The following RBM4 variants were observed in gnomAD, a reference collection of about 807,000 sequenced individuals.
RBM4 encodes the protein RNA-binding protein 4.
A neutral mutation model predicts 29.5 loss-of-function variants in RBM4; 7 were observed. The observed-to-expected ratio is 0.24, with a 90% CI of 0.14 to 0.45. The LOEUF is 0.45. RBM4 is among the 20% of genes least tolerant of loss of function. The probability of loss-of-function intolerance (pLI) is 1.00; values close to 1 mark genes in which losing one functional copy is unlikely to be tolerated. For synonymous variants in RBM4, 220 were observed against 205.4 expected, an observed-to-expected ratio of 1.07 and a Z score of -0.61; for missense variants, 387 against 502.3, an observed-to-expected ratio of 0.77 and a Z score of 2.19.
chr11:66,648,806 TTC>T (rs1938763967), downstream of RBM4, among the ~76,000 whole-genome samples: 1 of 151,672 alleles, frequency 6.6e-6, no homozygotes, highest in South Asian at 2.1e-4. Context: ...AGGGCAAGAC[TTC>T]TCTCAAAAAA....
intron 2 of RBM4, among the ~76,000 whole-genome samples, chr11:66,656,280 G>T (rs575810315): frequency 6.6e-6 from 1 of 152,214 alleles, no homozygotes; most frequent in Non-Finnish European, 1.5e-5. Flanking sequence ...GGGACTACAG[G>T]CACCTGCCAC....
At chr11:66,649,674 C>T, downstream of RBM4, 1 of 690,480 alleles carries the variant, frequency 1.4e-6, no homozygotes, top group South Asian at 1.5e-5. Context: ...GTGTAATTGA[C>T]AAGGTTATGC....
At chr11:66,644,513 TA>T in intron 3 of RBM4, 1 of 267,980 alleles carries the variant, frequency 3.7e-6, no homozygotes, top group Non-Finnish European at 6.1e-6. Flanking sequence ...TTAAGTTTCC[TA>T]CGTGTGCGAC....
intron 2 of RBM4, among the ~76,000 whole-genome samples, chr11:66,659,263 C>CTTTTTTTTTTTTTT (rs767959263): frequency 5.9e-5 from 4 of 67,308 alleles, no homozygotes; most frequent in Non-Finnish European, 1.1e-4. Flanking sequence ...CTTCTTGGTT[C>CTTTTTTTTTTTTTT]TTTTTTTTTT....
exon 3 of RBM4, chr11:66,667,566 G>A (rs1461561722): frequency 6.6e-6 from 1 of 152,128 alleles, no homozygotes; most frequent in African/African-American, 2.4e-5. Flanking sequence ...CCATGGGACA[G>A]AACATCAAAA....
intron 2 of RBM4, chr11:66,652,388 T>G (rs984713939): frequency 2.0e-5 from 3 of 152,180 alleles, no homozygotes; most frequent in Non-Finnish European, 4.4e-5. Flanking sequence ...CCACCACACC[T>G]GGCTGAAATG....
chr11:66,644,016 T>G lies in RBM4; in HGVS notation c.979T>G (p.Tyr327Asp), dbSNP rs1039631954. ...PVPTVGEGYG[Y>D]GHESELSQAS... ...CCCCACTGTTGGAGAGGGCTACGGT[T>G]ACGGGCATGAGAGTGAGTTGTCCCA... Residue 327 changes from tyrosine (Y) to aspartate (D), a missense_variant, in exon 3 of 4, where the codon TAC (tyrosine) becomes GAC (aspartate). Tyr to Asp is a radical substitution (Grantham distance 160, BLOSUM62 -3). Transcript: ENST00000310092. 1.9e-6 allele frequency: 3 copies of G among 1,613,784 alleles called. No homozygotes were observed. The highest frequency in any genetic ancestry group is 1.7e-5 in the Admixed American group (1 of 60,032).
At position 66,643,782 on chromosome 11, in the gene RBM4, C is replaced by G. The variant is rs749308687; in HGVS notation, c.745C>G (p.Leu249Val). ...ASVYNYAEQT[L>V]SQLPQVQNTA... is the part of the protein sequence containing the mutation. The stretch of plus-strand genomic sequence containing the variant: ...CGTGTATAATTACGCAGAGCAGACC[C>G]TGTCCCAGCTGCCACAAGTCCAGAA... The change falls in exon 3 of 4, where the codon CTG (leucine) becomes GTG (valine). Residue 249 changes from leucine (L) to valine (V), a missense_variant. Around this residue, in one of 2 missense-constraint regions of RBM4, gnomAD observed 281 missense variants for 288.7 expected, o/e 0.97. Coordinates refer to ENST00000310092, the MANE Select transcript of RBM4 (RefSeq NM_002896.4). This position sits in a 1 kb window ranked among gnomAD's most constrained non-coding sequence, Gnocchi z 6.1. 1 of 1,614,052 alleles carries G rather than the reference C, an allele frequency of 6.2e-7. No individual in the cohort carries two copies. Among genetic ancestry groups the G allele is most frequent in the Admixed American group, 1.7e-5 (1 of 60,014 alleles).
At chr11:66,666,169 C>T in exon 3 of RBM4, 1 of 790,394 alleles carries the variant, frequency 1.3e-6, no homozygotes, top group Non-Finnish European at 1.8e-6. Context: ...ACCAAATCTC[C>T]CTTGCCAAAT....
intron 3 of RBM4, among the ~76,000 whole-genome samples, chr11:66,645,482 G>T (rs1938652103): frequency 6.6e-6 from 1 of 152,132 alleles, no homozygotes; most frequent in South Asian, 2.1e-4. Context: ...GCTTATACAT[G>T]CCCTTCTGCA....
chr11:66,661,693 T>G (rs1939086191), intron 2 of RBM4, among the ~76,000 whole-genome samples: 1 of 152,192 alleles, frequency 6.6e-6, no homozygotes, highest in Non-Finnish European at 1.5e-5. Flanking sequence ...AGGAATTTTG[T>G]ATTCACAATA....
intron 3 of RBM4, 79 bp downstream of exon 3, chr11:66,644,219 C>A: frequency 6.7e-7 from 1 of 1,498,006 alleles, no homozygotes; most frequent in Non-Finnish European, 8.9e-7. Context: ...GGCTGCCCTG[C>A]TTGCTTGCTT....
intron 1 of RBM4, 198 bp from the exon 2 acceptor site, chr11:66,639,502 C>G: frequency 4.4e-6 from 3 of 688,604 alleles, no homozygotes. Context: ...CAGACGTCTT[C>G]TTATTCTTAC....
At chr11:66,654,285 A>G (rs1197511822) in intron 2 of RBM4, among the ~76,000 whole-genome samples, 2 of 151,948 alleles carry the variant, frequency 1.3e-5, no homozygotes, top group East Asian at 3.9e-4. Flanking sequence ...AGGTCAGGAA[A>G]TCGAGACCAT....
chr11:66,644,855 G>A, intron 3 of RBM4: 1 of 246,588 alleles, frequency 4.1e-6, no homozygotes, highest in Non-Finnish European at 6.4e-6. Context: ...TTTATTCCCT[G>A]AATAGAGTGC....
rs751146254 is a variant in RBM4 at position 66,643,583 on chromosome 11, C to T, written c.546C>T (p.Arg182=). 3.7e-5 allele frequency: 60 copies of T among 1,614,016 alleles called. No individual in the cohort carries two copies. The highest frequency in any genetic ancestry group is 7.7e-5 in the South Asian group (7 of 91,082). Residue 182 remains arginine, a synonymous_variant, in exon 3 of 4, where the codon CGC becomes CGT. Coordinates refer to ENST00000310092, the MANE Select transcript of RBM4 (RefSeq NM_002896.4). The surrounding 1 kb of genome is among the most constrained non-coding windows in gnomAD (Gnocchi z 6.1). ...SKECPIDRSG[R]VADLTEQYNE... Reference sequence around the variant, plus strand: ...AGTGTCCGATAGATCGTTCAGGCCGCGTGGCAGACTTGACCGAGCAATATA... The same window carrying T: ...AGTGTCCGATAGATCGTTCAGGCCGTGTGGCAGACTTGACCGAGCAATATA...
At chr11:66,647,198 G>C (rs1938718630), downstream of RBM4, among the ~76,000 whole-genome samples, 1 of 152,208 alleles carries the variant, frequency 6.6e-6, no homozygotes, top group Non-Finnish European at 1.5e-5. Flanking sequence ...TACAGATACA[G>C]GACTGTGTCA....
chr11:66,640,261 T>G (rs1480672760), intron 2 of RBM4, 138 bp downstream of exon 2: 1 of 1,168,742 alleles, frequency 8.6e-7, no homozygotes, highest in African/African-American at 1.5e-5. Context: ...GGTGATGGAC[T>G]TCTTATGATG....
intron 2 of RBM4, chr11:66,665,622 A>G: frequency 1.2e-5 from 19 of 1,535,736 alleles, no homozygotes; most frequent in Non-Finnish European, 1.7e-5. Flanking sequence ...ATGCCTGGAG[A>G]GCAGCCTGGC....
Sources: allele counts gnomAD v4.1 joint callset (sites outside exome capture counted in the v4.1 genomes callset), GRCh38; gene constraint gnomAD v4.1.1; regional missense constraint gnomAD v4.1.1; non-coding constraint Gnocchi (gnomAD v3.1); transcripts MANE v1.5; gene names NCBI Gene and HGNC (gene_info 2026-07-23, HGNC 2026-07-21).